Variants in DAPK1 observed in about 807,000 individuals in gnomAD.
DAPK1 encodes the protein death-associated protein kinase 1.
Under a neutral mutation model 144.9 loss-of-function variants are expected in DAPK1, and 56 were observed. The ratio of observed to expected loss-of-function variants is 0.39; its 90% CI spans 0.31 to 0.48. The LOEUF (loss-of-function observed/expected upper bound fraction) is 0.48. Ranked by LOEUF, DAPK1 falls within the 20% of genes least tolerant of loss-of-function variation. The pLI is 0.95. For synonymous variants in DAPK1, 690 were observed against 749.0 expected (o/e 0.92, Z 1.29); for missense variants, 1,454 against 1,875.4 (o/e 0.78, Z 4.15).
chr9:87,639,511 T>TA (rs1373304318), intron 5 of DAPK1, 28 bp downstream of exon 5: 1 of 1,610,956 alleles, frequency 6.2e-7, no homozygotes. Context: ...TGTGGTCATT[T>TA]ACGTCTCATA....
In DAPK1 at chr9:87,646,452, C is replaced by G. The variant is rs753327555; in HGVS notation, c.1132-9C>G. The G allele has an allele frequency of 1.9e-6, 3 of 1,600,460 alleles. No individual in the cohort carries two copies. Among genetic ancestry groups the G allele is most frequent in the African/African-American group, 1.3e-5 (1 of 74,516 alleles). On this transcript the variant is annotated splice_polypyrimidine_tract_variant and intron_variant, in intron 12 of 25. Transcript: ENST00000408954. ...TGAAAATTAGTAATTTTTTTCTTGC[C>G]TATTCTAGCACGGGACACCTCCATT... is the stretch of plus-strand genomic sequence containing the variant.
chr9:87,561,418 C>CG (rs963244865), intron 2 of DAPK1, among the ~76,000 whole-genome samples: 24 of 151,756 alleles, frequency 1.6e-4, no homozygotes, highest in Non-Finnish European at 3.2e-4. Context: ...CCCAGCTACT[C>CG]GGGAGGCTGA....
intron 2 of DAPK1, among the ~76,000 whole-genome samples, chr9:87,501,414 G>A (rs1044473336): frequency 2.6e-5 from 4 of 152,186 alleles, no homozygotes; most frequent in African/African-American, 4.8e-5. Context: ...GCGCAGTGGC[G>A]CGCGCCTGTA....
At chr9:87,685,981 G>T (rs2117906460) in intron 20 of DAPK1, among the ~76,000 whole-genome samples, 1 of 152,302 alleles carries the variant, frequency 6.6e-6, no homozygotes, top group African/African-American at 2.4e-5. Flanking sequence ...GAGACTCGCT[G>T]CAAGAACAAC....
chr9:87,509,710 G>A (rs557442576), intron 2 of DAPK1, among the ~76,000 whole-genome samples: 153 of 152,340 alleles, frequency 1.0e-3, no homozygotes, highest in African/African-American at 3.6e-3. Flanking sequence ...ATAGAAAATT[G>A]TCTTCCTAGA....
chr9:87,533,180 C>G (rs756917053), intron 2 of DAPK1, among the ~76,000 whole-genome samples: 1 of 151,990 alleles, frequency 6.6e-6, no homozygotes. Context: ...TATACACATG[C>G]GTGTGTGTGG....
chr9:87,564,285 T>A (rs967006761), intron 2 of DAPK1, among the ~76,000 whole-genome samples: 25 of 152,166 alleles, frequency 1.6e-4, no homozygotes, highest in Admixed American at 1.3e-3. Flanking sequence ...AGAGAATAAC[T>A]ACTATGTGAT....
At chr9:87,515,281 A>T (rs1212153823) in intron 2 of DAPK1, among the ~76,000 whole-genome samples, 1 of 152,206 alleles carries the variant, frequency 6.6e-6, no homozygotes, top group Non-Finnish European at 1.5e-5. Context: ...ATGTGTCCAA[A>T]AGGGTGTGGC....
chr9:87,586,439 C>T (rs1048890542), intron 2 of DAPK1, among the ~76,000 whole-genome samples: 5 of 151,984 alleles, frequency 3.3e-5, no homozygotes, highest in African/African-American at 1.2e-4. Context: ...TATATGCATA[C>T]AGTTATACTC....
intron 2 of DAPK1, among the ~76,000 whole-genome samples, chr9:87,566,975 A>G (rs1449175253): frequency 6.6e-6 from 1 of 152,238 alleles, no homozygotes; most frequent in Non-Finnish European, 1.5e-5. Context: ...GCAAAGAAAA[A>G]TAGCAAGAAA....
chr9:87,672,406 A>AAAGC (rs1824205451), intron 19 of DAPK1, among the ~76,000 whole-genome samples: 1 of 152,094 alleles, frequency 6.6e-6, no homozygotes, highest in African/African-American at 2.4e-5. Flanking sequence ...CTGACCTGGA[A>AAAGC]ATACCTGTGA....
intron 19 of DAPK1, among the ~76,000 whole-genome samples, chr9:87,677,385 C>A (rs897234005): frequency 1.3e-5 from 2 of 152,108 alleles, no homozygotes; most frequent in African/African-American, 4.8e-5. Flanking sequence ...GACCATGGTT[C>A]GAGTCTCCTG....
At chr9:87,652,802 C>A (rs78644814) in intron 17 of DAPK1, among the ~76,000 whole-genome samples, 3 of 147,276 alleles carry the variant, frequency 2.0e-5, no homozygotes, top group South Asian at 2.2e-4. Flanking sequence ...CCCACCTGAT[C>A]CCAGGTCCTG....
intron 2 of DAPK1, chr9:87,554,148 A>G (rs2118589866): frequency 6.6e-6 from 1 of 152,338 alleles, no homozygotes; most frequent in East Asian, 1.9e-4. Flanking sequence ...GGCATACATC[A>G]CGAGCAGCAT....
chr9:87,550,806 A>C (rs1826451143), intron 2 of DAPK1, among the ~76,000 whole-genome samples: 1 of 152,250 alleles, frequency 6.6e-6, no homozygotes, highest in Admixed American at 6.5e-5. Flanking sequence ...CTAGAAATGG[A>C]CTACAGCTAA....
chr9:87,639,838 C>T (rs1343537049), intron 7 of DAPK1, 23 bp downstream of exon 7: 1 of 1,611,562 alleles, frequency 6.2e-7, no homozygotes, highest in African/African-American at 1.3e-5. Flanking sequence ...ATTCACAACT[C>T]ATACTCTCTT....
At chr9:87,624,453 G>A (rs1277067203) in intron 3 of DAPK1, among the ~76,000 whole-genome samples, 2 of 152,224 alleles carry the variant, frequency 1.3e-5, no homozygotes, top group African/African-American at 2.4e-5. Context: ...AACTGGCACA[G>A]CATCACTTCT....
At chr9:87,590,380 A>AG (rs928290562) in intron 2 of DAPK1, among the ~76,000 whole-genome samples, 1 of 147,660 alleles carries the variant, frequency 6.8e-6, no homozygotes, top group African/African-American at 2.6e-5. Context: ...AAAAAAAAAA[A>AG]AAAAAGAAAA....
At chr9:87,670,355 C>T (rs1279507294) in intron 19 of DAPK1, among the ~76,000 whole-genome samples, 1 of 152,140 alleles carries the variant, frequency 6.6e-6, no homozygotes, top group Non-Finnish European at 1.5e-5. Flanking sequence ...ACCCAGGCAG[C>T]ATCCATTGAT....
Sources: gnomAD v4.1 joint callset for allele counts (sites outside exome capture counted in the v4.1 genomes callset) on GRCh38, gnomAD v4.1.1 for gene constraint, MANE v1.5 for transcripts, NCBI Gene and HGNC (gene_info 2026-07-23, HGNC 2026-07-21) for gene names.